ARHGEF33: variants seen among roughly 807,000 people sequenced by gnomAD.
ARHGEF33 encodes the protein DH and coiled-coil domain-containing protein ENSP00000381780.
ARHGEF33 carries 72 observed loss-of-function variants against 101.9 expected under a neutral mutation model. The observed-to-expected ratio is 0.71, with a 90% CI of 0.58 to 0.86. The LOEUF (loss-of-function observed/expected upper bound fraction) is 0.86. Among genes scored for constraint, ARHGEF33 ranks in the 40% least tolerant of loss-of-function variants. The pLI, the probability that ARHGEF33 is intolerant of heterozygous loss-of-function variation, is 0.00. For missense variants in ARHGEF33, 1,169 were observed against 1,111.3 expected, an observed-to-expected ratio of 1.05 and a Z score of -0.74; for synonymous variants, 499 against 442.5, an observed-to-expected ratio of 1.13 and a Z score of -1.60.
chr2:38,898,062 A>T (rs1666160231), intron 2 of ARHGEF33, among the ~76,000 whole-genome samples: 1 of 152,242 alleles, frequency 6.6e-6, no homozygotes, highest in Admixed American at 6.5e-5. Context: ...CAAGACTTTC[A>T]TTGGTAGGCA....
chr2:38,947,623 G>A (rs1667485626), intron 10 of ARHGEF33, among the ~76,000 whole-genome samples: 1 of 152,202 alleles, frequency 6.6e-6, no homozygotes, highest in Non-Finnish European at 1.5e-5. Context: ...TGCCCAGGCT[G>A]TCATTTGTCG....
At chr2:38,929,156 C>T (rs973227392) in intron 5 of ARHGEF33, 85 bp downstream of exon 5, 10 of 1,055,354 alleles carry the variant, frequency 9.5e-6, no homozygotes, top group African/African-American at 4.8e-5. Flanking sequence ...TCTGGCTGGG[C>T]GTGGTGGCTC....
chr2:38,970,246 A>G lies in ARHGEF33; in HGVS notation c.2484-3468A>G, dbSNP rs72799422. ...ACTGTCTATTTTCTTAATCACACAC[A>G]GAGAGAGTACTTCTACAGGGCCCCG... On this transcript the variant is annotated intron_variant, in intron 17 of 17. Coordinates refer to ENST00000409978, the MANE Select transcript of ARHGEF33 (RefSeq NM_001145451.5). Among the ~76,000 whole-genome samples the G allele has an allele frequency of 1.7e-3, 252 of 152,314 alleles. 2 individuals are homozygous for G. The highest frequency in any genetic ancestry group is 6.0e-4 in the Non-Finnish European group (41 of 68,034).
chr2:38,973,557 A>T, intron 17 of ARHGEF33, 157 bp from the exon 18 acceptor site: 1 of 682,276 alleles, frequency 1.5e-6, no homozygotes. Flanking sequence ...AATCTTAGAT[A>T]CACATGTCCT....
intron 3 of ARHGEF33, among the ~76,000 whole-genome samples, chr2:38,920,379 C>A (rs367734232): frequency 9.6e-6 from 1 of 104,276 alleles, no homozygotes; most frequent in Non-Finnish European, 2.1e-5. Flanking sequence ...TGAATGGTTT[C>A]TTTTCTTTTC....
At chr2:38,946,513 C>T (rs1369060252) in intron 10 of ARHGEF33, among the ~76,000 whole-genome samples, 1 of 152,196 alleles carries the variant, frequency 6.6e-6, no homozygotes, top group Non-Finnish European at 1.5e-5. Flanking sequence ...GTCTCTGGTT[C>T]TGAGCTTGGT....
intron 2 of ARHGEF33, among the ~76,000 whole-genome samples, chr2:38,900,694 A>T (rs972097133): frequency 2.0e-5 from 3 of 152,054 alleles, no homozygotes; most frequent in African/African-American, 4.8e-5. Flanking sequence ...GGATATGGGG[A>T]GGTGTGATTT....
intron 2 of ARHGEF33, among the ~76,000 whole-genome samples, chr2:38,917,751 C>T (rs995291601): frequency 1.3e-5 from 2 of 151,674 alleles, no homozygotes; most frequent in South Asian, 2.1e-4. Flanking sequence ...ATCACTTGAG[C>T]CCAGGAGTTC....
intron 9 of ARHGEF33, among the ~76,000 whole-genome samples, chr2:38,938,927 T>C (rs1667226120): frequency 6.6e-6 from 1 of 152,240 alleles, no homozygotes; most frequent in African/African-American, 2.4e-5. Flanking sequence ...TTTTTATTAA[T>C]CACATTGAAT....
At chr2:38,955,479 G>T (rs930396920) in intron 13 of ARHGEF33, among the ~76,000 whole-genome samples, 8 of 53,746 alleles carry the variant, frequency 1.5e-4, no homozygotes, top group Admixed American at 9.9e-4. Context: ...ATATTGAAAA[G>T]ACTTTTTTTT....
At chr2:38,948,880 C>A (rs945908601) in intron 10 of ARHGEF33, among the ~76,000 whole-genome samples, 1 of 152,188 alleles carries the variant, frequency 6.6e-6, no homozygotes, top group Non-Finnish European at 1.5e-5. Context: ...TACCCCGTAG[C>A]TACCCCTCCA....
At chr2:38,943,725 C>G (rs974583553) in intron 9 of ARHGEF33, among the ~76,000 whole-genome samples, 176 bp from the exon 10 acceptor site, 3 of 152,262 alleles carry the variant, frequency 2.0e-5, no homozygotes, top group African/African-American at 7.2e-5. Context: ...ACTTCGTGCC[C>G]TTTGCTCTGC....
At chr2:38,951,922 G>A (rs969988636) in intron 11 of ARHGEF33, among the ~76,000 whole-genome samples, 1 of 152,126 alleles carries the variant, frequency 6.6e-6, no homozygotes, top group Non-Finnish European at 1.5e-5. Flanking sequence ...AATGCCTATG[G>A]GGCCAGACAG....
chr2:38,891,369 T>A (rs1005841717), intron 1 of ARHGEF33, among the ~76,000 whole-genome samples: 1 of 152,076 alleles, frequency 6.6e-6, no homozygotes, highest in Non-Finnish European at 1.5e-5. Context: ...CTCCTTCCCT[T>A]CCTCTCTCCT....
In ARHGEF33 at chr2:38,964,799, G is replaced by A. The variant is rs573501773; in HGVS notation, c.2344-1207G>A. ...TGGGGAACCCTCCCTTAAATCATTC[G>A]TTTTCAAATCTAAGTGTGCGTAAGG... On this transcript the variant is annotated intron_variant, in intron 16 of 17. Coordinates refer to ENST00000409978, the MANE Select transcript of ARHGEF33 (RefSeq NM_001145451.5). Among the ~76,000 whole-genome samples, 9 of 152,120 alleles carry A rather than the reference G, an allele frequency of 5.9e-5. No individual in the cohort carries two copies. In the South Asian group the frequency reaches 1.9e-3, roughly 32 times the overall value.
intron 4 of ARHGEF33, among the ~76,000 whole-genome samples, chr2:38,928,089 T>C (rs560586477): frequency 2.0e-4 from 31 of 152,302 alleles, no homozygotes; most frequent in Non-Finnish European, 1.5e-5. Flanking sequence ...GAAATAGATA[T>C]TATTATAGCT....
At chr2:38,955,635 G>C (rs968567854) in intron 13 of ARHGEF33, among the ~76,000 whole-genome samples, 2 of 151,372 alleles carry the variant, frequency 1.3e-5, no homozygotes, top group African/African-American at 4.9e-5. Context: ...GAGTAGTTGA[G>C]ACTACAGGCA....
At chr2:38,920,794 T>C (rs910477598) in intron 3 of ARHGEF33, among the ~76,000 whole-genome samples, 3 of 152,214 alleles carry the variant, frequency 2.0e-5, no homozygotes, top group Admixed American at 6.5e-5. Context: ...TGTTTTCTTC[T>C]GCCTGCATCC....
At chr2:38,955,262 A>G (rs1667710410) in intron 13 of ARHGEF33, among the ~76,000 whole-genome samples, 2 of 152,092 alleles carry the variant, frequency 1.3e-5, no homozygotes, top group African/African-American at 4.8e-5. Context: ...CTTCACACCA[A>G]TTTCCTGCAG....
Sources: allele counts gnomAD v4.1 joint callset (sites outside exome capture counted in the v4.1 genomes callset), GRCh38; gene constraint gnomAD v4.1.1; transcripts MANE v1.5; gene names NCBI Gene and HGNC (gene_info 2026-07-23, HGNC 2026-07-21).